The following SLC4A7 variants were observed in gnomAD, a reference collection of about 807,000 sequenced individuals.
SLC4A7 encodes the protein sodium bicarbonate cotransporter 3.
In SLC4A7, 51 loss-of-function variants were observed where a neutral mutation model predicts 137.6. The observed-to-expected ratio is 0.37, with a 90% CI of 0.30 to 0.47. The LOEUF is 0.47. SLC4A7 is among the 20% of genes least tolerant of loss of function. The probability of loss-of-function intolerance (pLI) is 1.00; values close to 1 mark genes in which losing one functional copy is unlikely to be tolerated. For missense variants in SLC4A7, 1,247 were observed against 1,525.4 expected (o/e 0.82, Z 3.04); for synonymous variants, 542 against 518.6 (o/e 1.05, Z -0.61).
In SLC4A7 at chr3:27,400,821, T is replaced by C. The variant is rs759422945; in HGVS notation, c.2370A>G (p.Gln790=). The C allele has an allele frequency of 1.2e-6, 2 of 1,608,686 alleles. No individual in the cohort carries two copies. Among genetic ancestry groups the C allele is most frequent in the African/African-American group, 1.3e-5 (1 of 74,864 alleles). Residue 790 remains glutamine, a synonymous_variant, in exon 16 of 26, where the codon CAA becomes CAG. Transcript: ENST00000454389. ...GTGCTGTTATATTATCTTTCTTCCATTGTGCTAGAGTTTCATTGCTGGGGT... is the reference window on the plus strand; with the variant it reads ...GTGCTGTTATATTATCTTTCTTCCACTGTGCTAGAGTTTCATTGCTGGGGT... ...PPNPSNETLA[Q]WKKDNITAHN...
At chr3:27,484,000 C>G in intron 1 of SLC4A7, 67 bp downstream of exon 1, 2 of 1,223,686 alleles carry the variant, frequency 1.6e-6, no homozygotes, top group Non-Finnish European at 2.1e-6. Context: ...GCCGCGCCCC[C>G]CGCCTTTGTC....
At chr3:27,432,872 TA>T (rs1187946518) in intron 6 of SLC4A7, among the ~76,000 whole-genome samples, 1 of 152,044 alleles carries the variant, frequency 6.6e-6, no homozygotes, top group East Asian at 1.9e-4. Context: ...AAACAACAAA[TA>T]AAAGACAAAA....
At chr3:27,390,247 C>A in intron 21 of SLC4A7, 143 bp from the exon 22 acceptor site, 2 of 201,440 alleles carry the variant, frequency 9.9e-6, no homozygotes, top group South Asian at 7.3e-5. Flanking sequence ...AATGTTACAG[C>A]AAGCATTCTC....
At position 27,418,599 on chromosome 3, in the gene SLC4A7, T is replaced by G; in HGVS notation, c.1546A>C (p.Arg516=). The G allele has an allele frequency of 6.3e-7, 1 of 1,597,378 alleles. No homozygotes were observed. Among genetic ancestry groups the G allele is most frequent in the Non-Finnish European group, 8.6e-7 (1 of 1,166,410 alleles). ...FHDVAYKAKD[R]NDLLSGIDEF... The stretch of plus-strand genomic sequence containing the variant: ...TCAATTCCAGATAAGAGGTCATTTC[T>G]GTCTTTTGCTTTATAAGCTACATCA... The change falls in exon 11 of 26, where the codon AGA becomes CGA. Residue 516 remains arginine, a synonymous_variant. Coordinates refer to ENST00000454389, the MANE Select transcript of SLC4A7 (RefSeq NM_001321103.2).
In SLC4A7 at chr3:27,398,371, G is replaced by A. The variant is rs1403662144; in HGVS notation, c.2428-18C>T. The A allele has an allele frequency of 1.3e-6, 2 of 1,579,456 alleles. No homozygotes were observed. The highest frequency in any genetic ancestry group is 1.4e-5 in the African/African-American group (1 of 73,294). Reference sequence around the variant, plus strand: ...TTACATTCCTGGAAAAAAGGAGAAAGAAAAAGCAGAATGGGGGATTCTTAC... The same window carrying A: ...TTACATTCCTGGAAAAAAGGAGAAAAAAAAAGCAGAATGGGGGATTCTTAC... On this transcript the variant is annotated intron_variant, in intron 16 of 25. Transcript: ENST00000454389.
At chr3:27,446,083 GTTAA>G (rs1353584001) in intron 3 of SLC4A7, among the ~76,000 whole-genome samples, 1 of 146,688 alleles carries the variant, frequency 6.8e-6, no homozygotes, top group Non-Finnish European at 1.5e-5. Context: ...TTAAGGATGT[GTTAA>G]TTAACTTGAT....
At position 27,431,640 on chromosome 3, in the gene SLC4A7, A is replaced by C. The variant is rs1279312169; in HGVS notation, c.808T>G (p.Leu270Val). The part of the protein sequence containing the change: ...GEGLSASRHS[L>V]RTGLSASNLS... ...TTTGAGGCAGACAGACCTGTTCGCA[A>C]AGAGTGGCGGGAGGCTGAAAGGCCT... The change falls in exon 7 of 26, where the codon TTG becomes GTG. Residue 270 changes from leucine to valine, a missense_variant. By Grantham distance (32) the Leu-to-Val change is conservative (BLOSUM62 1). Transcript: ENST00000454389. 4.4e-6 allele frequency: 7 copies of C among 1,597,060 alleles called. No individual in the cohort carries two copies. The highest frequency in any genetic ancestry group is 6.0e-6 in the Non-Finnish European group (7 of 1,171,546).
At chr3:27,449,557 A>G (rs2057921224) in intron 2 of SLC4A7, among the ~76,000 whole-genome samples, 1 of 152,156 alleles carries the variant, frequency 6.6e-6, no homozygotes, top group Admixed American at 6.6e-5. Flanking sequence ...ATAAAAAAGC[A>G]GTAAGTAAAG....
chr3:27,416,993 C>T (rs11717669), intron 11 of SLC4A7, among the ~76,000 whole-genome samples: 25,293 of 152,054 alleles, frequency 0.17, 2,477 homozygotes, highest in Non-Finnish European at 0.23. Context: ...TTAAAGCCTA[C>T]ACAGAAAGAT....
rs557966045 is a variant in SLC4A7, at chr3:27,463,804, G to A, written c.61-11306C>T. On this transcript the variant is annotated intron_variant, in intron 1 of 25. Coordinates refer to ENST00000454389, the MANE Select transcript of SLC4A7 (RefSeq NM_001321103.2). ...AATTGGTGAGATGGGCAGCCTGTTA[G>A]CAGGACTCCATCTCACTTTGCTGTG... Among the ~76,000 whole-genome samples, 9 of 152,260 alleles carry A rather than the reference G, an allele frequency of 5.9e-5. No homozygotes were observed. The South Asian group carries it at 6.2e-4, about 11-fold the overall frequency.
At chr3:27,382,793 C>A (rs9845192) in intron 24 of SLC4A7, among the ~76,000 whole-genome samples, 1 of 152,114 alleles carries the variant, frequency 6.6e-6, no homozygotes, top group Admixed American at 6.5e-5. Flanking sequence ...GACCCCAGCC[C>A]TAATGAAGGG....
chr3:27,472,519 AATAAC>A (rs200147995), intron 1 of SLC4A7, among the ~76,000 whole-genome samples: 4,796 of 152,108 alleles, frequency 0.032, 250 homozygotes, highest in African/African-American at 0.11. Context: ...AACAAAATAA[AATAAC>A]TAAATTGAAT....
intron 18 of SLC4A7, among the ~76,000 whole-genome samples, chr3:27,395,687 CA>C (rs1202389927): frequency 6.6e-6 from 1 of 152,282 alleles, no homozygotes; most frequent in African/African-American, 2.4e-5. Context: ...GAGCAGACCA[CA>C]AACCAGCTAA....
rs1167534632 is a variant in SLC4A7 at position 27,403,221 on chromosome 3, C to T, written c.2239G>A (p.Glu747Lys). The change falls in exon 15 of 26, where the codon GAG becomes AAG. Residue 747 changes from glutamate to lysine, a missense_variant. Physicochemically the swap from Glu to Lys is moderately conservative, Grantham distance 56. This residue lies in a region of SLC4A7 where 499 missense variants were observed against 664.2 expected (regional missense o/e 0.75). Transcript: ENST00000454389. The part of the protein sequence containing the change: ...AALICIIFIY[E>K]ALEKLFDLGE... ...AAATCAAAGAGCTTCTCCAAAGCCT[C>T]GTAGATGAATATGATGCAAATAAGG... is the stretch of plus-strand genomic sequence containing the variant. The T allele has an allele frequency of 1.9e-6, 3 of 1,613,906 alleles. No homozygotes were observed. The highest frequency in any genetic ancestry group is 1.1e-5 in the South Asian group (1 of 91,066).
At chr3:27,419,611 C>T (rs1297299551) in intron 10 of SLC4A7, among the ~76,000 whole-genome samples, 3 of 150,158 alleles carry the variant, frequency 2.0e-5, no homozygotes, top group Non-Finnish European at 4.4e-5. Context: ...GCTGGGATTA[C>T]AGGAGTGAGC....
chr3:27,453,481 C>T (rs1340649996), intron 1 of SLC4A7, among the ~76,000 whole-genome samples: 2 of 152,090 alleles, frequency 1.3e-5, no homozygotes, highest in African/African-American at 4.8e-5. Flanking sequence ...GGTGTGGTGG[C>T]ACGCGCCTGT....
At chr3:27,450,604 G>C (rs1350017524) in intron 2 of SLC4A7, among the ~76,000 whole-genome samples, 1 of 152,016 alleles carries the variant, frequency 6.6e-6, no homozygotes, top group Non-Finnish European at 1.5e-5. Flanking sequence ...ATGGGTCTTG[G>C]CACAGAAGCC....
chr3:27,475,916 G>T (rs568979965), intron 1 of SLC4A7, among the ~76,000 whole-genome samples: 10 of 152,296 alleles, frequency 6.6e-5, no homozygotes, highest in Non-Finnish European at 1.5e-4. Context: ...GTTCAGGAAG[G>T]AAGAGGGTCC....
chr3:27,436,421 C>G lies in SLC4A7; in HGVS notation c.556G>C (p.Asp186His). The part of the protein sequence containing the change: ...SCILNGTVML[D>H]MRASTLDEIA... The stretch of plus-strand genomic sequence containing the variant: ...TCATCTAGAGTGCTTGCTCTCATAT[C>G]CAGCATGACTGTTCCATTGAGGATG... The change falls in exon 5 of 26, where the codon GAT becomes CAT. Residue 186 changes from aspartate to histidine, a missense_variant. Asp to His is a moderately conservative substitution (Grantham distance 81). Transcript: ENST00000454389. The G allele has an allele frequency of 6.2e-7, 1 of 1,613,080 alleles. No homozygotes were observed. Among genetic ancestry groups the G allele is most frequent in the Non-Finnish European group, 8.5e-7 (1 of 1,179,518 alleles).
Sources: gnomAD v4.1 joint callset for allele counts (sites outside exome capture counted in the v4.1 genomes callset) on GRCh38, gnomAD v4.1.1 for gene constraint, gnomAD v4.1.1 regional missense constraint, MANE v1.5 for transcripts, NCBI Gene and HGNC (gene_info 2026-07-23, HGNC 2026-07-21) for gene names.